The following PATJ variants were observed in gnomAD, a reference collection of about 807,000 sequenced individuals.
The protein encoded by PATJ is PATJ crumbs cell polarity complex component.
In PATJ, 190 loss-of-function variants were observed where a neutral mutation model predicts 224.9. The ratio of observed to expected loss-of-function variants is 0.84; its 90% CI spans 0.75 to 0.95. PATJ has a LOEUF of 0.95. PATJ is among the 40% of genes least tolerant of loss of function. The probability of loss-of-function intolerance (pLI) is 0.00; values close to 1 mark genes in which losing one functional copy is unlikely to be tolerated. For missense variants in PATJ, 2,121 were observed against 2,270.3 expected, an observed-to-expected ratio of 0.93 and a Z score of 1.34; for synonymous variants, 769 against 820.3, an observed-to-expected ratio of 0.94 and a Z score of 1.07.
chr1:62,121,768 C>T (rs1172598613), intron 38 of PATJ, among the ~76,000 whole-genome samples: 1 of 111,624 alleles, frequency 9.0e-6, no homozygotes, highest in Non-Finnish European at 1.8e-5. Flanking sequence ...AGCAAGACTC[C>T]GTCTCCAGAA....
intron 27 of PATJ, among the ~76,000 whole-genome samples, chr1:61,973,988 CT>C (rs549114209): frequency 0.026 from 3,793 of 146,478 alleles, 136 homozygotes; most frequent in African/African-American, 0.071. Context: ...TCATAAAGAT[CT>C]TTTTTTTTTT....
intron 10 of PATJ, among the ~76,000 whole-genome samples, 171 bp from the exon 11 acceptor site, chr1:61,797,116 C>T (rs1651498610): frequency 6.6e-6 from 1 of 152,146 alleles, no homozygotes; most frequent in Admixed American, 6.6e-5. Context: ...ATCCATGATC[C>T]ACCCACCTTG....
chr1:61,796,694 CT>C (rs756553897), intron 10 of PATJ, among the ~76,000 whole-genome samples: 7 of 30,844 alleles, frequency 2.3e-4, no homozygotes, highest in South Asian at 1.8e-3. Flanking sequence ...TTCTTTCTTT[CT>C]TTCTTTCTTT....
At chr1:61,838,318 G>T (rs1344380282) in intron 17 of PATJ, among the ~76,000 whole-genome samples, 1 of 151,744 alleles carries the variant, frequency 6.6e-6, no homozygotes, top group Non-Finnish European at 1.5e-5. Context: ...CGTGTAATTT[G>T]TCAAGAGCAT....
chr1:61,881,878 G>C (rs1259155098), intron 21 of PATJ, among the ~76,000 whole-genome samples: 1 of 152,098 alleles, frequency 6.6e-6, no homozygotes, highest in Non-Finnish European at 1.5e-5. Flanking sequence ...CCGTAGAATG[G>C]ACCGTGGGAT....
chr1:61,869,328 G>A (rs955530587), intron 20 of PATJ, among the ~76,000 whole-genome samples: 20 of 151,958 alleles, frequency 1.3e-4, no homozygotes, highest in African/African-American at 2.9e-4. Flanking sequence ...GGATGGTCTC[G>A]ATCTCCTGAC....
intron 19 of PATJ, 33 bp from the exon 20 acceptor site, chr1:61,864,204 TA>T: frequency 6.5e-7 from 1 of 1,545,802 alleles, no homozygotes; most frequent in Non-Finnish European, 8.7e-7. Flanking sequence ...AGGACAGGCG[TA>T]ACTTCACATT....
chr1:62,092,903 A>G (rs1660958297), intron 33 of PATJ, among the ~76,000 whole-genome samples: 3 of 151,676 alleles, frequency 2.0e-5, no homozygotes, highest in Non-Finnish European at 4.4e-5. Flanking sequence ...GACCACACCC[A>G]GCTAATTTGT....
intron 33 of PATJ, chr1:62,100,255 CTGCTAT>C: frequency 1.6e-6 from 1 of 617,646 alleles, no homozygotes; most frequent in Non-Finnish European, 3.0e-6. Context: ...CCATTTTCTG[CTGCTAT>C]AACAGAATAT....
chr1:62,064,848 G>C (rs1221637051), intron 31 of PATJ, among the ~76,000 whole-genome samples: 2 of 152,140 alleles, frequency 1.3e-5, no homozygotes, highest in Non-Finnish European at 2.9e-5. Context: ...TTGCTATTGG[G>C]AGCAAATGTC....
chr1:62,066,742 G>C (rs1656508664), intron 31 of PATJ, among the ~76,000 whole-genome samples: 1 of 152,136 alleles, frequency 6.6e-6, no homozygotes, highest in Non-Finnish European at 1.5e-5. Flanking sequence ...CCATGCACAG[G>C]AGAACTGGAG....
At chr1:61,933,597 A>G (rs1212006121) in intron 27 of PATJ, among the ~76,000 whole-genome samples, 1 of 151,920 alleles carries the variant, frequency 6.6e-6, no homozygotes, top group Admixed American at 6.6e-5. Flanking sequence ...TAAAGAGATC[A>G]CTCAGTTGAC....
intron 43 of PATJ, among the ~76,000 whole-genome samples, chr1:62,156,496 C>T (rs1369322741): frequency 6.6e-6 from 1 of 151,936 alleles, no homozygotes; most frequent in Non-Finnish European, 1.5e-5. Flanking sequence ...CACCACTGTA[C>T]TCCAGCCTGG....
intron 6 of PATJ, among the ~76,000 whole-genome samples, chr1:61,773,038 T>A (rs1335010709): frequency 6.6e-6 from 1 of 152,196 alleles, no homozygotes; most frequent in Non-Finnish European, 1.5e-5. Flanking sequence ...TTGCTTTTTT[T>A]TGAGATGGAG....
chr1:62,144,777 A>AAAAAATATATATAT (rs377489788), intron 41 of PATJ, among the ~76,000 whole-genome samples: 3 of 119,102 alleles, frequency 2.5e-5, no homozygotes, highest in Admixed American at 9.1e-5. Context: ...AAAAAAAAAA[A>AAAAAATATATATAT]ATATATATAT....
At chr1:61,817,072 G>T (rs1656252486) in intron 14 of PATJ, among the ~76,000 whole-genome samples, 1 of 152,174 alleles carries the variant, frequency 6.6e-6, no homozygotes, top group Non-Finnish European at 1.5e-5. Flanking sequence ...TTATTGGTAG[G>T]ATGGCATTTG....
intron 43 of PATJ, among the ~76,000 whole-genome samples, chr1:62,155,889 C>G (rs145326234): frequency 2.0e-5 from 3 of 150,722 alleles, no homozygotes; most frequent in Non-Finnish European, 3.0e-5. Flanking sequence ...AATCCCGTCT[C>G]TACTAAAAAT....
chr1:61,830,927 G>A (rs186471489), intron 16 of PATJ, among the ~76,000 whole-genome samples: 7 of 152,120 alleles, frequency 4.6e-5, no homozygotes, highest in South Asian at 4.2e-4. Context: ...GGTGACTCAC[G>A]CCTGTAATCC....
intron 9 of PATJ, among the ~76,000 whole-genome samples, chr1:61,793,483 G>C (rs1203865015): frequency 6.6e-6 from 1 of 152,178 alleles, no homozygotes; most frequent in African/African-American, 2.4e-5. Flanking sequence ...GCTCATGCCT[G>C]TAATCCCAGC....
Sources: gnomAD v4.1 joint callset for allele counts (sites outside exome capture counted in the v4.1 genomes callset) on GRCh38, gnomAD v4.1.1 for gene constraint, MANE v1.5 for transcripts, NCBI Gene and HGNC (gene_info 2026-07-23, HGNC 2026-07-21) for gene names.